Variants in ANKRD44 observed in about 807,000 individuals in gnomAD.
The protein encoded by ANKRD44 is serine/threonine-protein phosphatase 6 regulatory ankyrin repeat subunit B.
Under a neutral mutation model 116.0 loss-of-function variants are expected in ANKRD44, and 35 were observed. That is an observed-to-expected ratio of 0.30 (90% CI 0.23 to 0.40). The LOEUF is 0.40. ANKRD44 is among the 10% of genes least tolerant of loss of function. The probability of loss-of-function intolerance (pLI) is 1.00; values close to 1 mark genes in which losing one functional copy is unlikely to be tolerated. For missense variants in ANKRD44, 1,014 were observed against 1,242.6 expected, an observed-to-expected ratio of 0.82 and a Z score of 2.77; for synonymous variants, 435 against 461.8, an observed-to-expected ratio of 0.94 and a Z score of 0.74.
At chr2:197,244,601 G>A (rs966863444) in intron 1 of ANKRD44, among the ~76,000 whole-genome samples, 6 of 152,194 alleles carry the variant, frequency 3.9e-5, no homozygotes, top group African/African-American at 1.4e-4. Flanking sequence ...AGTTGAAACT[G>A]TTGCAGGGGA....
intron 1 of ANKRD44, among the ~76,000 whole-genome samples, chr2:197,204,616 C>G (rs1426438015): frequency 6.6e-6 from 1 of 152,124 alleles, no homozygotes; most frequent in African/African-American, 2.4e-5. Context: ...TCAAGAGATG[C>G]CAGAGCTCCA....
In ANKRD44 at chr2:196,987,747, C is replaced by T. The variant is rs2075854189; in HGVS notation, c.*1844G>A. 1 of 985,200 alleles carries T rather than the reference C, an allele frequency of 1.0e-6. No individual in the cohort carries two copies. The highest frequency in any genetic ancestry group is 1.2e-6 in the Non-Finnish European group (1 of 829,904). The allele number at this position is 985,200 out of a possible 1,614,324, so 61.0% of individuals were successfully genotyped here. A position where few individuals can be genotyped will look rare whatever the true frequency, so the allele number is the denominator to read the frequency against. On this transcript the variant is annotated 3_prime_UTR_variant, in exon 28 of 28. Transcript: ENST00000282272. ...GCAGACACTGGCAAATAAGTAAGTGCAATGAAACATGATCCTTGTAGTTGT... is the reference window on the plus strand; with the variant it reads ...GCAGACACTGGCAAATAAGTAAGTGTAATGAAACATGATCCTTGTAGTTGT...
At chr2:196,974,078 C>T (rs1221527997) in intron 21 of ANKRD44, among the ~76,000 whole-genome samples, 2 of 151,486 alleles carry the variant, frequency 1.3e-5, no homozygotes. Flanking sequence ...AAACAACATA[C>T]TCTCATACTC....
At chr2:197,282,391 T>A (rs1466680432) in intron 1 of ANKRD44, among the ~76,000 whole-genome samples, 1 of 151,846 alleles carries the variant, frequency 6.6e-6, no homozygotes, top group Non-Finnish European at 1.5e-5. Flanking sequence ...GACTGAGAAG[T>A]TTATAGTAAC....
At chr2:197,034,603 A>C (rs1010274924) in intron 16 of ANKRD44, among the ~76,000 whole-genome samples, 9 of 151,568 alleles carry the variant, frequency 5.9e-5, no homozygotes, top group Non-Finnish European at 1.0e-4. Flanking sequence ...CGGACTACCT[A>C]ATCTTATTTT....
intron 10 of ANKRD44, among the ~76,000 whole-genome samples, chr2:197,091,633 A>G (rs1212859017): frequency 1.3e-5 from 2 of 152,216 alleles, no homozygotes; most frequent in Non-Finnish European, 1.5e-5. Context: ...TGCTATGATT[A>G]CAAGCATGAG....
intron 17 of ANKRD44, among the ~76,000 whole-genome samples, chr2:197,014,789 A>C (rs541012464): frequency 2.0e-4 from 30 of 152,124 alleles, no homozygotes; most frequent in East Asian, 9.6e-4. Flanking sequence ...GTCTCCAAAA[A>C]AAAAAACAAC....
At chr2:197,109,465 T>C (rs961903993) in intron 9 of ANKRD44, among the ~76,000 whole-genome samples, 6 of 152,252 alleles carry the variant, frequency 3.9e-5, no homozygotes, top group Middle Eastern at 3.2e-3. Context: ...TTCACTGGAA[T>C]GCATATAAAT....
At chr2:197,097,453 G>A (rs62279209) in intron 10 of ANKRD44, among the ~76,000 whole-genome samples, 19,153 of 152,180 alleles carry the variant, frequency 0.13, 1,414 homozygotes, top group Non-Finnish European at 0.17. Context: ...TGGTAAGAGC[G>A]TACTGAATCT....
downstream of ANKRD44, among the ~76,000 whole-genome samples, chr2:196,981,775 A>G (rs975788086): frequency 1.3e-5 from 2 of 152,066 alleles, no homozygotes; most frequent in African/African-American, 4.8e-5. Flanking sequence ...GTGAAACTCC[A>G]TCTCAAAATA....
intron 1 of ANKRD44, among the ~76,000 whole-genome samples, chr2:197,295,354 C>T (rs1029497494): frequency 2.6e-5 from 4 of 152,330 alleles, no homozygotes; most frequent in East Asian, 3.9e-4. Flanking sequence ...GTCTTTGCCA[C>T]AACTACTCAA....
intron 17 of ANKRD44, among the ~76,000 whole-genome samples, chr2:197,023,424 C>T (rs1298253358): frequency 1.3e-5 from 2 of 152,172 alleles, no homozygotes; most frequent in Non-Finnish European, 2.9e-5. Flanking sequence ...CTAGGACCTC[C>T]ACTTGATGTA....
At chr2:197,087,266 CAA>C (rs894169612) in intron 12 of ANKRD44, among the ~76,000 whole-genome samples, 1 of 152,170 alleles carries the variant, frequency 6.6e-6, no homozygotes, top group African/African-American at 2.4e-5. Flanking sequence ...GTAATTTATG[CAA>C]ATAAATGTGC....
chr2:197,088,717 G>A lies in ANKRD44; in HGVS notation c.1241C>T (p.Ala414Val). 1 of 1,607,366 alleles carries A rather than the reference G, an allele frequency of 6.2e-7. No homozygotes were observed. Among genetic ancestry groups the A allele is most frequent in the South Asian group, 1.1e-5 (1 of 90,456 alleles). Residue 414 changes from alanine to valine, a missense_variant, in exon 12 of 28, where the codon GCA becomes GTA. Ala to Val is a moderately conservative substitution (Grantham distance 64, BLOSUM62 0). Coordinates refer to ENST00000282272, the MANE Select transcript of ANKRD44 (RefSeq NM_001195144.2). Reference sequence around the variant, plus strand: ...AGAATTGGTAACTACTCACCCTCCTGCAGCAGCAGCATGAAGGCACGTTCT... The same window carrying A: ...AGAATTGGTAACTACTCACCCTCCTACAGCAGCAGCATGAAGGCACGTTCT... The part of the protein sequence containing the change: ...FGRTCLHAAA[A>V]GGNVECIKLL...
Position 197,051,837 on chromosome 2 carries a change from C to A in ANKRD44, c.1651-26570G>T, listed in dbSNP as rs143435179. Among the ~76,000 whole-genome samples, 367 of 152,264 alleles carry A rather than the reference C, an allele frequency of 2.4e-3. 2 individuals carry two copies. Among genetic ancestry groups the A allele is most frequent in the African/African-American group, 7.9e-3 (328 of 41,540 alleles). On this transcript the variant is annotated intron_variant, in intron 16 of 27. Transcript: ENST00000282272. ...AGTGGGGTGCTGGTTGTTAGTAGCA[C>A]CTAGTGGGTAGAGGCCAGCATGTTA...
chr2:197,154,201 A>T, intron 2 of ANKRD44, among the ~76,000 whole-genome samples: 1 of 112,064 alleles, frequency 8.9e-6, no homozygotes, highest in African/African-American at 3.7e-5. Context: ...TTTTTTTGAG[A>T]CGGAGTCTCG....
chr2:197,294,738 C>A (rs796152911), intron 1 of ANKRD44, among the ~76,000 whole-genome samples: 29 of 152,286 alleles, frequency 1.9e-4, no homozygotes, highest in African/African-American at 7.0e-4. Flanking sequence ...ATTTGTAATA[C>A]TTGACCTTTA....
chr2:197,058,788 A>G (rs1472737658), intron 16 of ANKRD44, among the ~76,000 whole-genome samples: 1 of 152,230 alleles, frequency 6.6e-6, no homozygotes, highest in Non-Finnish European at 1.5e-5. Flanking sequence ...ACTCAGTTGA[A>G]GTCCTGCACT....
intron 11 of ANKRD44, among the ~76,000 whole-genome samples, chr2:197,089,562 T>C (rs1473407655): frequency 6.6e-6 from 1 of 152,204 alleles, no homozygotes; most frequent in African/African-American, 2.4e-5. Context: ...TACCACCAGA[T>C]GTAGGGTATT....
Sources: gnomAD v4.1 joint callset for allele counts (sites outside exome capture counted in the v4.1 genomes callset) on GRCh38, gnomAD v4.1.1 for gene constraint, MANE v1.5 for transcripts, NCBI Gene and HGNC (gene_info 2026-07-23, HGNC 2026-07-21) for gene names.